The following TYR variants were observed in gnomAD, a reference collection of about 807,000 sequenced individuals.
The protein encoded by TYR is tyrosinase, also known as LB24-AB.
TYR carries 58 observed loss-of-function variants against 51.5 expected under a neutral mutation model. The observed-to-expected ratio is 1.13, with a 90% CI of 0.91 to 1.40. The LOEUF is 1.40. TYR is among the 40% of genes most tolerant of loss of function. The pLI is 0.00. For missense variants in TYR, 732 were observed against 647.4 expected (o/e 1.13, Z -1.42); for synonymous variants, 263 against 235.2 (o/e 1.12, Z -1.08).
At chr11:89,269,988 CT>C (rs773865240) in intron 3 of TYR, among the ~76,000 whole-genome samples, 223 of 152,034 alleles carry the variant, frequency 1.5e-3, no homozygotes, top group Non-Finnish European at 2.5e-3. Flanking sequence ...CCAAACTCAG[CT>C]GTTGGTCCAT....
chr11:89,181,416 T>C (rs1168948998), intron 1 of TYR, among the ~76,000 whole-genome samples: 1 of 152,212 alleles, frequency 6.6e-6, no homozygotes, highest in Non-Finnish European at 1.5e-5. Flanking sequence ...ATCTTTTTAC[T>C]TTCACTTTAC....
intron 3 of TYR, 81 bp from the exon 4 acceptor site, chr11:89,284,692 C>A (rs191191224): frequency 2.1e-5 from 26 of 1,254,720 alleles, no homozygotes; most frequent in Non-Finnish European, 2.7e-5. Context: ...TTAATATATG[C>A]CTTATTTTAC....
At chr11:89,273,667 T>C (rs553510367) in intron 3 of TYR, among the ~76,000 whole-genome samples, 9 of 152,044 alleles carry the variant, frequency 5.9e-5, no homozygotes, top group African/African-American at 2.2e-4. Context: ...GTAAACAATG[T>C]AATATCCACA....
chr11:89,223,762 T>C (rs1482307314), intron 2 of TYR, among the ~76,000 whole-genome samples: 2 of 152,142 alleles, frequency 1.3e-5, no homozygotes, highest in African/African-American at 4.8e-5. Context: ...TTATTTAAAA[T>C]TGTTACTATA....
rs751402838 is a variant in TYR at position 89,295,316 on chromosome 11, C to G, written c.1540C>G (p.Leu514Val). The G allele has an allele frequency of 3.1e-6, 5 of 1,613,656 alleles. No homozygotes were observed. The highest frequency in any genetic ancestry group is 4.2e-6 in the Non-Finnish European group (5 of 1,179,722). The part of the protein sequence containing the change: ...RKQLPEEKQP[L>V]LMEKEDYHSL... The stretch of plus-strand genomic sequence containing the variant: ...GCAGCTTCCTGAAGAAAAGCAGCCA[C>G]TCCTCATGGAGAAAGAGGATTACCA... The change falls in exon 5 of 5, where the codon CTC (leucine) becomes GTC (valine). Residue 514 changes from leucine (L) to valine (V), a missense_variant. Transcript: ENST00000263321.
Position 89,191,427 on chromosome 11 carries a change from T to C in TYR, c.1036+9T>C. 6.2e-7 allele frequency: 1 copy of C among 1,610,966 alleles called. No homozygotes were observed. The highest frequency in any genetic ancestry group is 8.5e-7 in the Non-Finnish European group (1 of 1,177,416). On this transcript the variant is annotated intron_variant, in intron 2 of 4. Coordinates refer to ENST00000263321, the MANE Select transcript of TYR (RefSeq NM_000372.5). The stretch of plus-strand genomic sequence containing the variant: ...TAGAAATACACTGGAAGGTAATCTC[T>C]TTCTTTTCACTTTTAATTTTTTTTC...
chr11:89,288,127 A>G (rs930907393), intron 4 of TYR, among the ~76,000 whole-genome samples: 1 of 151,902 alleles, frequency 6.6e-6, no homozygotes, highest in African/African-American at 2.4e-5. Context: ...TCTCTTGAGA[A>G]GTTGGATACA....
In TYR at chr11:89,191,290, A is replaced by G; in HGVS notation, c.908A>G (p.Asn303Ser). The change falls in exon 2 of 5, where the codon AAC becomes AGC. Residue 303 changes from asparagine (N) to serine (S), a missense_variant. By Grantham distance (46) the Asn-to-Ser change is conservative (BLOSUM62 1). Transcript: ENST00000263321. The stretch of plus-strand genomic sequence containing the variant: ...GGACCTTTACGGCGTAATCCTGGAA[A>G]CCATGACAAATCCAGAACCCCAAGG... ...PEGPLRRNPG[N>S]HDKSRTPRLP... The G allele has an allele frequency of 2.5e-6, 4 of 1,613,732 alleles. No individual in the cohort carries two copies. Among genetic ancestry groups the G allele is most frequent in the Non-Finnish European group, 3.4e-6 (4 of 1,179,814 alleles).
At chr11:89,193,867 T>C (rs1033571295) in intron 2 of TYR, among the ~76,000 whole-genome samples, 6 of 108,712 alleles carry the variant, frequency 5.5e-5, no homozygotes, top group African/African-American at 6.5e-5. Flanking sequence ...CATTGTATCC[T>C]GTTTCTCTCT....
intron 2 of TYR, among the ~76,000 whole-genome samples, chr11:89,196,901 A>T (rs1416902756): frequency 6.6e-6 from 1 of 152,226 alleles, no homozygotes; most frequent in Admixed American, 6.5e-5. Context: ...ATGGTATACT[A>T]TGGAAGTACA....
Position 89,220,495 on chromosome 11 carries a change from C to T in TYR, c.1037-7328C>T, listed in dbSNP as rs548503755. ...TGACATTTGGGCTAGGACACATATC[C>T]AAACTATATCATTACTGAATGACCT... On this transcript the variant is annotated intron_variant, in intron 2 of 4. Transcript: ENST00000263321. Among the ~76,000 whole-genome samples the T allele has an allele frequency of 2.2e-4, 34 of 152,246 alleles. No individual in the cohort carries two copies. The South Asian group carries it at 6.8e-3, about 31-fold the overall frequency.
intron 3 of TYR, among the ~76,000 whole-genome samples, chr11:89,261,429 A>G (rs1391176002): frequency 1.3e-5 from 2 of 152,136 alleles, no homozygotes; most frequent in Non-Finnish European, 2.9e-5. Context: ...ATACCAGACA[A>G]AACAGACTTT....
At chr11:89,193,437 C>T (rs1040332615) in intron 2 of TYR, among the ~76,000 whole-genome samples, 1 of 151,994 alleles carries the variant, frequency 6.6e-6, no homozygotes, top group African/African-American at 2.4e-5. Context: ...AAATAATTTG[C>T]TACTACAAAT....
At chr11:89,291,258 GA>G (rs1412901070) in intron 4 of TYR, among the ~76,000 whole-genome samples, 1 of 151,894 alleles carries the variant, frequency 6.6e-6, no homozygotes, top group Non-Finnish European at 1.5e-5. Context: ...TATCAATGAT[GA>G]AAGCACACTA....
At chr11:89,202,721 G>A (rs1223476631) in intron 2 of TYR, among the ~76,000 whole-genome samples, 1 of 151,508 alleles carries the variant, frequency 6.6e-6, no homozygotes, top group East Asian at 1.9e-4. Flanking sequence ...CAGGCATACA[G>A]GGCAGCTCTG....
chr11:89,284,785 G>C lies in TYR; in HGVS notation c.1197G>C (p.Gln399His), dbSNP rs1944760867. Residue 399 changes from glutamine to histidine, a missense_variant, in exon 4 of 5, where the codon CAG becomes CAC. By Grantham distance (24) the Gln-to-His change is conservative. Transcript: ENST00000263321. Reference protein sequence around the residue: ...HHAFVDSIFEQWLRRHRPLQE... With the variant: ...HHAFVDSIFEHWLRRHRPLQE... ...TTTTCCTCTGCAGTATTTTTGAGCAGTGGCTCCGAAGGCACCGTCCTCTTC... is the reference window on the plus strand; with the variant it reads ...TTTTCCTCTGCAGTATTTTTGAGCACTGGCTCCGAAGGCACCGTCCTCTTC... 6.2e-7 allele frequency: 1 copy of C among 1,611,560 alleles called. No homozygotes were observed. Among genetic ancestry groups the C allele is most frequent in the African/African-American group, 1.3e-5 (1 of 74,826 alleles).
chr11:89,215,396 G>A (rs1267374488), intron 2 of TYR, among the ~76,000 whole-genome samples: 1 of 151,956 alleles, frequency 6.6e-6, no homozygotes, highest in Admixed American at 6.6e-5. Context: ...GGGAGGGATA[G>A]TGTTAGGAGA....
At chr11:89,237,779 T>C (rs915447415) in intron 3 of TYR, among the ~76,000 whole-genome samples, 5 of 152,092 alleles carry the variant, frequency 3.3e-5, no homozygotes, top group Non-Finnish European at 5.9e-5. Context: ...CTTTAGGTAG[T>C]ATCAACATTT....
At position 89,295,263 on chromosome 11, in the gene TYR, T is replaced by A; in HGVS notation, c.1487T>A (p.Val496Glu). 6.2e-7 allele frequency: 1 copy of A among 1,613,904 alleles called. No homozygotes were observed. The highest frequency in any genetic ancestry group is 8.5e-7 in the Non-Finnish European group (1 of 1,179,832). Residue 496 changes from valine to glutamate, a missense_variant, in exon 5 of 5, where the codon GTG becomes GAG. Val to Glu is a moderately radical substitution (Grantham distance 121, BLOSUM62 -2). Transcript: ENST00000263321. ...CTCACTGCCCTGCTGGCAGGGCTTGTGAGCTTGCTGTGTCGTCACAAGAGA... is the reference window on the plus strand; with the variant it reads ...CTCACTGCCCTGCTGGCAGGGCTTGAGAGCTTGCTGTGTCGTCACAAGAGA... ...AVLTALLAGL[V>E]SLLCRHKRKQ...
Sources: gnomAD v4.1 joint callset for allele counts (sites outside exome capture counted in the v4.1 genomes callset) on GRCh38, gnomAD v4.1.1 for gene constraint, MANE v1.5 for transcripts, NCBI Gene and HGNC (gene_info 2026-07-23, HGNC 2026-07-21) for gene names.